RELCH: variants seen among roughly 807,000 people sequenced by gnomAD.
The protein encoded by RELCH is RAB11 binding and LisH domain, coiled-coil and HEAT repeat containing.
In RELCH, 41 loss-of-function variants were observed where a neutral mutation model predicts 150.3. The observed-to-expected ratio is 0.27, with a 90% confidence interval of 0.21 to 0.35. The LOEUF is 0.35. Among genes scored for constraint, RELCH ranks in the 10% least tolerant of loss-of-function variants. The pLI, the probability that RELCH is intolerant of heterozygous loss-of-function variation, is 1.00. For synonymous variants in RELCH, 478 were observed against 531.8 expected (o/e 0.90, Z 1.39); for missense variants, 1,092 against 1,467.8 (o/e 0.74, Z 4.18).
Position 62,305,377 on chromosome 18 carries a change from T to A in RELCH, c.3531-37T>A, listed in dbSNP as rs1415949657. ...AATAAATGAAAAATTTTTATTTTTT[T>A]AATTGCTTTACATGAATTTTAAATT... On this transcript the variant is annotated intron_variant, in intron 28 of 28. Transcript: ENST00000644646. The surrounding 1 kb of genome is among the most constrained non-coding windows in gnomAD (Gnocchi z 4.0). 3 of 1,560,794 alleles carry A rather than the reference T, an allele frequency of 1.9e-6. No individual in the cohort carries two copies. The highest frequency in any genetic ancestry group is 2.3e-5 in the East Asian group (1 of 43,980).
intron 2 of RELCH, among the ~76,000 whole-genome samples, chr18:62,211,577 G>C (rs1339921867): frequency 1.3e-5 from 2 of 152,040 alleles, no homozygotes; most frequent in Non-Finnish European, 2.9e-5. Context: ...CCAAACCAGG[G>C]CTGATAGTCA....
intron 1 of RELCH, among the ~76,000 whole-genome samples, chr18:62,207,174 C>T (rs909594247): frequency 2.0e-5 from 3 of 152,162 alleles, no homozygotes; most frequent in Admixed American, 2.0e-4. Flanking sequence ...TCACTAATCT[C>T]TATGTCTATA....
intron 1 of RELCH, among the ~76,000 whole-genome samples, chr18:62,188,714 A>G (rs1260279902): frequency 6.6e-6 from 1 of 152,216 alleles, no homozygotes; most frequent in Non-Finnish European, 1.5e-5. Flanking sequence ...TTCTCTTTGC[A>G]TTAGATAGGA....
In RELCH at chr18:62,227,516, C is replaced by G. The variant is rs752598270; in HGVS notation, c.1062+24C>G. On this transcript the variant is annotated intron_variant, in intron 6 of 28. Transcript: ENST00000644646. ...AGGTGAGAGATAGCAACTAATTAGT[C>G]AAGTCCACAGAAAGTATTTAAACTA... 19 of 1,593,226 alleles carry G rather than the reference C, an allele frequency of 1.2e-5. No homozygotes were observed. The South Asian group carries it at 1.7e-4, about 14-fold the overall frequency.
At chr18:62,196,065 G>A (rs17069544) in intron 1 of RELCH, among the ~76,000 whole-genome samples, 13,288 of 152,002 alleles carry the variant, frequency 0.087, 670 homozygotes, top group Middle Eastern at 0.17. Context: ...AACTATGCTC[G>A]GTGTTCCTTT....
In RELCH at chr18:62,310,092, T is replaced by C. The variant is rs1454562486; in HGVS notation, c.*4558T>C. ...TGTACATTGCTGAGTAATATAAATA[T>C]AATAATTTCTCATTGACTTTATGAT... On this transcript the variant is annotated 3_prime_UTR_variant, in exon 29 of 29. Coordinates refer to ENST00000644646, the MANE Select transcript of RELCH (RefSeq NM_001346231.2). 6.6e-6 allele frequency: 1 copy of C among 151,898 alleles called. No individual in the cohort carries two copies. The highest frequency in any genetic ancestry group is 1.5e-5 in the Non-Finnish European group (1 of 67,970). The allele number at this position is 151,898 out of a possible 1,614,324, so 9.4% of individuals were successfully genotyped here.
At chr18:62,200,407 A>G (rs1260008967) in intron 1 of RELCH, among the ~76,000 whole-genome samples, 1 of 152,168 alleles carries the variant, frequency 6.6e-6, no homozygotes, top group Admixed American at 6.5e-5. Context: ...ATCTGTAAAA[A>G]TGAGGGGATT....
intron 20 of RELCH, among the ~76,000 whole-genome samples, chr18:62,269,177 G>A (rs878979724): frequency 1.3e-5 from 2 of 152,110 alleles, no homozygotes; most frequent in Admixed American, 1.3e-4. Flanking sequence ...TATTTTGTTA[G>A]AAGTGTTAGA....
In RELCH at chr18:62,187,998, G is replaced by C. The variant is rs781566024; in HGVS notation, c.493G>C (p.Glu165Gln). Residue 165 changes from glutamate to glutamine, a missense_variant, in exon 1 of 29, where the codon GAA becomes CAA. Coordinates refer to ENST00000644646, the MANE Select transcript of RELCH (RefSeq NM_001346231.2). ...CGGCGTTGGGGGCGCTGGAGGTCGG[G>C]AACCGAGTACAGCGTCGGGCGGGGG... Reference protein sequence around the residue: ...AAGVGGAGGREPSTASGGGQL... With the variant: ...AAGVGGAGGRQPSTASGGGQL... 1 of 1,595,710 alleles carries C rather than the reference G, an allele frequency of 6.3e-7. No homozygotes were observed. The highest frequency in any genetic ancestry group is 8.5e-7 in the Non-Finnish European group (1 of 1,171,586).
rs778760987 is a variant in RELCH, at chr18:62,187,521, C to A, written c.16C>A (p.Pro6Thr). Residue 6 changes from proline (P) to threonine (T), a missense_variant, in exon 1 of 29, where the codon CCT (proline) becomes ACT (threonine). Physicochemically the swap from Pro to Thr is conservative, Grantham distance 38 (BLOSUM62 -1). Coordinates refer to ENST00000644646, the MANE Select transcript of RELCH (RefSeq NM_001346231.2). Reference protein sequence around the residue: MAAMAPGGSGSGGGVN... With the variant: MAAMATGGSGSGGGVN... Reference sequence around the variant, plus strand: ...ACAGGATAAGATGGCGGCGATGGCGCCTGGAGGTAGTGGCAGTGGTGGCGG... The same window carrying A: ...ACAGGATAAGATGGCGGCGATGGCGACTGGAGGTAGTGGCAGTGGTGGCGG... The A allele has an allele frequency of 2.6e-6, 4 of 1,514,888 alleles. No individual in the cohort carries two copies. The Admixed American group carries it at 9.1e-5, about 34-fold the overall frequency. The allele number at this position is 1,514,888 out of a possible 1,614,324, so 93.8% of individuals were successfully genotyped here. A position where few individuals can be genotyped will look rare whatever the true frequency, so the allele number is the denominator to read the frequency against.
chr18:62,298,042 C>G (rs1413699967), intron 27 of RELCH, among the ~76,000 whole-genome samples: 2 of 152,094 alleles, frequency 1.3e-5, no homozygotes, highest in African/African-American at 4.8e-5. Flanking sequence ...GTCTCTCTTA[C>G]TAGAACATAA....
chr18:62,269,369 T>C, intron 20 of RELCH: 1 of 420,138 alleles, frequency 2.4e-6, no homozygotes, highest in South Asian at 1.8e-5. Context: ...TCTCAAATGC[T>C]TAGGATGAAA....
At chr18:62,210,207 G>A (rs554130311) in intron 1 of RELCH, among the ~76,000 whole-genome samples, 157 of 151,982 alleles carry the variant, frequency 1.0e-3, no homozygotes, top group African/African-American at 3.3e-3. Context: ...TTGGTTTTTC[G>A]CTATTTGATT....
intron 18 of RELCH, among the ~76,000 whole-genome samples, chr18:62,265,780 G>A (rs148304102): frequency 6.6e-6 from 1 of 152,056 alleles, no homozygotes; most frequent in East Asian, 1.9e-4. Flanking sequence ...TTGCTTCAGT[G>A]TCTTTTAATT....
chr18:62,246,930 G>GT (rs2042444986), intron 11 of RELCH: 1 of 152,154 alleles, frequency 6.6e-6, no homozygotes, highest in South Asian at 2.1e-4. Flanking sequence ...GTAAGGGTTA[G>GT]TTTTTTTATA....
chr18:62,288,384 T>C (rs1311736139), intron 26 of RELCH, among the ~76,000 whole-genome samples: 1 of 152,114 alleles, frequency 6.6e-6, no homozygotes, highest in Non-Finnish European at 1.5e-5. Flanking sequence ...AACAGGTAAT[T>C]TTAAATGAGA....
intron 10 of RELCH, among the ~76,000 whole-genome samples, chr18:62,240,063 A>T (rs1386685862): frequency 6.6e-6 from 1 of 152,042 alleles, no homozygotes; most frequent in East Asian, 1.9e-4. Context: ...ACTAGTAAGT[A>T]AAATAATGTC....
At position 62,187,483 on chromosome 18, in the gene RELCH, G is replaced by T; in HGVS notation, c.-23G>T. 1 of 1,497,742 alleles carries T rather than the reference G, an allele frequency of 6.7e-7. No homozygotes were observed. Among genetic ancestry groups the T allele is most frequent in the East Asian group, 2.3e-5 (1 of 43,426 alleles). The allele number at this position is 1,497,742 out of a possible 1,614,324, so 92.8% of individuals were successfully genotyped here. On this transcript the variant is annotated 5_prime_UTR_variant, in exon 1 of 29. Coordinates refer to ENST00000644646, the MANE Select transcript of RELCH (RefSeq NM_001346231.2). ...GCCCGTCGGAACCAGTCAGGGAGGC[G>T]CCCACACTCCTGACAGGATAAGATG...
At chr18:62,272,216 G>A (rs2043942286) in intron 20 of RELCH, among the ~76,000 whole-genome samples, 1 of 152,082 alleles carries the variant, frequency 6.6e-6, no homozygotes, top group South Asian at 2.1e-4. Flanking sequence ...GGAGATCAAA[G>A]ATATTAAGTC....
Sources: gnomAD v4.1 joint callset for allele counts (sites outside exome capture counted in the v4.1 genomes callset) on GRCh38, gnomAD v4.1.1 for gene constraint, Gnocchi (gnomAD v3.1) non-coding constraint, MANE v1.5 for transcripts, NCBI Gene and HGNC (gene_info 2026-07-23, HGNC 2026-07-21) for gene names.